NAV1: variants seen among roughly 807,000 people sequenced by gnomAD.
The protein encoded by NAV1 is pore membrane and/or filament interacting like protein 3.
In NAV1, 18 loss-of-function variants were observed where a neutral mutation model predicts 175.2. The observed-to-expected ratio is 0.10, with a 90% confidence interval of 0.07 to 0.15. The LOEUF (loss-of-function observed/expected upper bound fraction) is 0.15, where lower values mean the gene tolerates loss of function less well. Among genes scored for constraint, NAV1 ranks in the 10% least tolerant of loss-of-function variants. NAV1 has a pLI of 1.00. For missense variants in NAV1, 1,731 were observed against 2,436.6 expected (o/e 0.71, Z 6.10); for synonymous variants, 897 against 978.7 (o/e 0.92, Z 1.56).
intron 1 of NAV1, among the ~76,000 whole-genome samples, chr1:201,666,862 A>C (rs1669843158): frequency 6.6e-6 from 1 of 152,148 alleles, no homozygotes; most frequent in African/African-American, 2.4e-5. Context: ...GCTCCTTGGC[A>C]GAACCAGCAG....
intron 1 of NAV1, 54 bp from the exon 4 acceptor site, chr1:201,629,350 C>A: frequency 8.2e-7 from 1 of 1,216,792 alleles, no homozygotes; most frequent in Non-Finnish European, 1.1e-6. Flanking sequence ...CATGGAGGGG[C>A]TTAGAGACCA....
intron 13 of NAV1, chr1:201,791,851 GGACCCATAA>G (rs1281320326): frequency 6.6e-6 from 1 of 152,112 alleles, no homozygotes; most frequent in Non-Finnish European, 1.5e-5. Context: ...CACTCTTGGG[GGACCCATAA>G]GAATTGTAAC....
chr1:201,583,213 C>T (rs543488566), intron 1 of NAV1, among the ~76,000 whole-genome samples: 1 of 152,242 alleles, frequency 6.6e-6, no homozygotes, highest in Non-Finnish European at 1.5e-5. Flanking sequence ...CGGCTGGGCT[C>T]ACGCTGCGTC....
chr1:201,788,415 CT>C lies in NAV1; in HGVS notation c.2996-49del. On this transcript the variant is annotated intron_variant, in intron 9 of 29. Transcript: ENST00000367296. This position sits in a 1 kb window ranked among gnomAD's most constrained non-coding sequence, Gnocchi z 5.7. ...GCCCGGAGAGCTGATGACCCTGCCT[CT>C]TTTCCTGCCCTCCTGCTCCCTCTCC... The C allele has an allele frequency of 6.2e-7, 1 of 1,605,028 alleles. No homozygotes were observed. Among genetic ancestry groups the C allele is most frequent in the Non-Finnish European group, 8.5e-7 (1 of 1,174,078 alleles).
chr1:201,562,223 T>C (rs560982019), intron 1 of NAV1, among the ~76,000 whole-genome samples: 2 of 148,280 alleles, frequency 1.3e-5, no homozygotes, highest in East Asian at 4.0e-4. Context: ...CTCACTATGT[T>C]GCCTAGGCTG....
At chr1:201,607,678 G>C (rs970161203) in intron 2 of NAV1, among the ~76,000 whole-genome samples, 1 of 150,766 alleles carries the variant, frequency 6.6e-6, no homozygotes, top group Non-Finnish European at 1.5e-5. Context: ...TTTTAGTAGA[G>C]ACAGGGTTTC....
chr1:201,642,982 G>A (rs934913226), intron 2 of NAV1, among the ~76,000 whole-genome samples: 3 of 150,820 alleles, frequency 2.0e-5, no homozygotes, highest in East Asian at 3.9e-4. Flanking sequence ...CACCGTGTTA[G>A]CCAGGATGGT....
chr1:201,798,630 AAAT>A (rs1677613603), intron 15 of NAV1: 1 of 145,836 alleles, frequency 6.9e-6, no homozygotes, highest in Non-Finnish European at 1.5e-5. Flanking sequence ...AAAAAAAAAG[AAAT>A]CATTCCAATT....
upstream of NAV1, among the ~76,000 whole-genome samples, chr1:201,645,053 A>G (rs1478544724): frequency 2.0e-5 from 3 of 152,180 alleles, no homozygotes; most frequent in African/African-American, 4.8e-5. Context: ...ATTACTGGGT[A>G]TATACCCAAA....
At chr1:201,703,504 AC>A (rs1170023334) in intron 1 of NAV1, among the ~76,000 whole-genome samples, 2 of 151,968 alleles carry the variant, frequency 1.3e-5, no homozygotes, top group Non-Finnish European at 2.9e-5. Flanking sequence ...GCAAACTAGC[AC>A]TCCTTCCAAA....
chr1:201,780,930 C>G (rs1676285938), intron 4 of NAV1, 82 bp from the exon 9 acceptor site: 2 of 1,450,692 alleles, frequency 1.4e-6, no homozygotes, highest in Non-Finnish European at 1.8e-6. Context: ...GCGCCAGGTA[C>G]TAACTAAAAT....
intron 1 of NAV1, among the ~76,000 whole-genome samples, chr1:201,578,902 G>T (rs1666768668): frequency 6.6e-6 from 1 of 152,126 alleles, no homozygotes; most frequent in Non-Finnish European, 1.5e-5. Flanking sequence ...GGAGGCCGAG[G>T]TGAGTGGATC....
intron 1 of NAV1, among the ~76,000 whole-genome samples, chr1:201,541,954 T>C (rs1665528331): frequency 1.3e-5 from 2 of 152,232 alleles, no homozygotes; most frequent in African/African-American, 4.8e-5. Flanking sequence ...CCAATCAGTG[T>C]CACTTCCCTC....
At chr1:201,628,938 C>A (rs1440548512) in intron 1 of NAV1, among the ~76,000 whole-genome samples, 1 of 152,160 alleles carries the variant, frequency 6.6e-6, no homozygotes, top group South Asian at 2.1e-4. Flanking sequence ...CGAGCAAGCC[C>A]AAAGCCTGTG....
intron 29 of NAV1, among the ~76,000 whole-genome samples, chr1:201,818,066 A>G (rs752196115): frequency 9.2e-5 from 14 of 152,102 alleles, no homozygotes; most frequent in Non-Finnish European, 1.5e-4. Context: ...CCCCATCTCT[A>G]GAAAAACAAA....
intron 1 of NAV1, among the ~76,000 whole-genome samples, chr1:201,574,443 C>T (rs1487362604): frequency 6.6e-6 from 1 of 152,050 alleles, no homozygotes; most frequent in Non-Finnish European, 1.5e-5. Flanking sequence ...CAGCATGAAC[C>T]CAGCACTCGG....
At chr1:201,567,326 G>A (rs1666385499) in intron 1 of NAV1, among the ~76,000 whole-genome samples, 1 of 152,230 alleles carries the variant, frequency 6.6e-6, no homozygotes, top group Non-Finnish European at 1.5e-5. Context: ...AGGTACGAGG[G>A]CATTGGCTGG....
Position 201,767,445 on chromosome 1 carries a change from C to T in NAV1, c.1227-12976C>T, listed in dbSNP as rs181894282. Reference sequence around the variant, plus strand: ...CAGCCTGGGTGACAGGGCGAGACTCCGCCTCAAAAAAAATAAAAATAAAAA... The same window carrying T: ...CAGCCTGGGTGACAGGGCGAGACTCTGCCTCAAAAAAAATAAAAATAAAAA... On this transcript the variant is annotated intron_variant, in intron 3 of 29. Transcript: ENST00000367296. Among the ~76,000 whole-genome samples the T allele has an allele frequency of 1.9e-3, 285 of 148,558 alleles. 2 individuals carry two copies. The highest frequency in any genetic ancestry group is 6.6e-3 in the South Asian group (30 of 4,568).
At chr1:201,776,316 T>TA (rs2102690067) in intron 3 of NAV1, among the ~76,000 whole-genome samples, 1 of 77,430 alleles carries the variant, frequency 1.3e-5, no homozygotes, top group East Asian at 4.1e-4. Flanking sequence ...CTGGGCAACA[T>TA]AAGGAGACCC....
Sources: allele counts gnomAD v4.1 joint callset (sites outside exome capture counted in the v4.1 genomes callset), GRCh38; gene constraint gnomAD v4.1.1; non-coding constraint Gnocchi (gnomAD v3.1); transcripts MANE v1.5; gene names NCBI Gene and HGNC (gene_info 2026-07-23, HGNC 2026-07-21).